FSTL4: variants seen among roughly 807,000 people sequenced by gnomAD.
FSTL4 encodes the protein follistatin like 4, also known as follistatin-related protein 4.
In FSTL4, 28 loss-of-function variants were observed where a neutral mutation model predicts 78.2. The observed-to-expected ratio is 0.36, with a 90% CI of 0.27 to 0.49. The LOEUF is 0.49. FSTL4 is among the 20% of genes least tolerant of loss of function. The probability of loss-of-function intolerance (pLI) is 0.98; values close to 1 mark genes in which losing one functional copy is unlikely to be tolerated. For synonymous variants in FSTL4, 422 were observed against 440.5 expected (o/e 0.96, Z 0.53); for missense variants, 922 against 1,084.9 (o/e 0.85, Z 2.11).
the FSTL4 span, among the ~76,000 whole-genome samples, chr5:133,819,272 G>A: frequency 1.3e-5 from 2 of 152,194 alleles, no homozygotes; most frequent in Middle Eastern, 3.4e-3. Flanking sequence ...GCAAGGGACA[G>A]GAACAGCTTT....
the FSTL4 span, among the ~76,000 whole-genome samples, chr5:133,752,254 C>T: frequency 1.8e-4 from 28 of 152,172 alleles, 1 homozygote; most frequent in Non-Finnish European, 1.5e-5. Context: ...CTTCAAAGAG[C>T]GAAGTCAGCA....
intron 14 of FSTL4, among the ~76,000 whole-genome samples, chr5:133,206,522 C>T (rs1454906728): frequency 6.6e-6 from 1 of 152,102 alleles, no homozygotes; most frequent in Non-Finnish European, 1.5e-5. Context: ...CCACCACACC[C>T]AGCTAATTTT....
At position 133,554,531 on chromosome 5, in the gene FSTL4, G is replaced by A. The variant is rs145650683; in HGVS notation, c.160+12655C>T. Among the ~76,000 whole-genome samples, 8 of 152,306 alleles carry A rather than the reference G, an allele frequency of 5.3e-5. No individual in the cohort carries two copies. The East Asian group carries it at 1.3e-3, about 26-fold the overall frequency. ...TGAAATTTGAAATGTGGACAGACGGGTCAGCTCTGGACAGCTCCACTTCCA... is the reference window on the plus strand; with the variant it reads ...TGAAATTTGAAATGTGGACAGACGGATCAGCTCTGGACAGCTCCACTTCCA... On this transcript the variant is annotated intron_variant, in intron 3 of 15. Coordinates refer to ENST00000265342, the MANE Select transcript of FSTL4 (RefSeq NM_015082.2).
At chr5:133,398,830 C>T (rs912518173) in intron 4 of FSTL4, among the ~76,000 whole-genome samples, 2 of 152,282 alleles carry the variant, frequency 1.3e-5, no homozygotes, top group Admixed American at 1.3e-4. Context: ...TCACAGGCAC[C>T]ACTCTCCACC....
chr5:133,802,147 G>T, the FSTL4 span, among the ~76,000 whole-genome samples: 2 of 152,166 alleles, frequency 1.3e-5, no homozygotes, highest in Admixed American at 6.5e-5. Context: ...TGACTTCCCC[G>T]GTGGACTTTT....
the FSTL4 span, among the ~76,000 whole-genome samples, chr5:133,841,352 G>A: frequency 6.6e-6 from 1 of 152,166 alleles, no homozygotes; most frequent in South Asian, 2.1e-4. Flanking sequence ...TACCTACTGA[G>A]CACCTACTAT....
chr5:133,461,887 T>C (rs1014599116), intron 3 of FSTL4, among the ~76,000 whole-genome samples: 3 of 152,108 alleles, frequency 2.0e-5, no homozygotes, highest in African/African-American at 7.2e-5. Flanking sequence ...TAACTACACA[T>C]TCTCACAACC....
At chr5:133,443,369 C>T (rs537312937) in intron 3 of FSTL4, among the ~76,000 whole-genome samples, 1 of 152,346 alleles carries the variant, frequency 6.6e-6, no homozygotes, top group African/African-American at 2.4e-5. Flanking sequence ...TTCTAAACAT[C>T]CAAGCTTGAA....
intron 3 of FSTL4, among the ~76,000 whole-genome samples, chr5:133,416,379 A>C (rs539014490): frequency 6.6e-6 from 1 of 152,354 alleles, no homozygotes; most frequent in East Asian, 1.9e-4. Context: ...TAAATATAGA[A>C]GAAATGATGG....
chr5:133,415,514 T>G (rs1389720316), intron 3 of FSTL4, among the ~76,000 whole-genome samples: 1 of 152,216 alleles, frequency 6.6e-6, no homozygotes, highest in African/African-American at 2.4e-5. Flanking sequence ...ACTTTCACCT[T>G]TTTTTAATTC....
At chr5:133,408,972 C>T (rs1245156036) in intron 3 of FSTL4, among the ~76,000 whole-genome samples, 6 of 152,058 alleles carry the variant, frequency 3.9e-5, no homozygotes, top group South Asian at 2.1e-4. Context: ...TTGCTGTCTT[C>T]GGGAGGCCAG....
chr5:133,793,103 C>T, the FSTL4 span, among the ~76,000 whole-genome samples: 1 of 152,216 alleles, frequency 6.6e-6, no homozygotes, highest in Non-Finnish European at 1.5e-5. Flanking sequence ...TGGCCAACCT[C>T]TGCCAAAGAG....
chr5:133,618,815 G>A, the FSTL4 span, among the ~76,000 whole-genome samples: 2 of 152,176 alleles, frequency 1.3e-5, no homozygotes, highest in African/African-American at 2.4e-5. Context: ...GTGTGTATAT[G>A]GCAGCTATCA....
intron 6 of FSTL4, among the ~76,000 whole-genome samples, chr5:133,250,519 C>G (rs925852438): frequency 6.6e-6 from 1 of 152,238 alleles, no homozygotes; most frequent in African/African-American, 2.4e-5. Context: ...ATTCCCTATT[C>G]ATGCTTACGA....
intron 3 of FSTL4, among the ~76,000 whole-genome samples, chr5:133,419,685 G>A (rs372548204): frequency 2.0e-5 from 3 of 152,328 alleles, no homozygotes; most frequent in South Asian, 2.1e-4. Flanking sequence ...CTTCCAAAGT[G>A]GTTGTACCAT....
rs547299803 is a variant in FSTL4, at chr5:133,390,777, A to G, written c.409+9961T>C. Reference sequence around the variant, plus strand: ...GGGTCACTGCCTCCTGATCCCCCTCATTTATTTCAGTTAACTTGACACAGT... The same window carrying G: ...GGGTCACTGCCTCCTGATCCCCCTCGTTTATTTCAGTTAACTTGACACAGT... On this transcript the variant is annotated intron_variant, in intron 4 of 15. Coordinates refer to ENST00000265342, the MANE Select transcript of FSTL4 (RefSeq NM_015082.2). Among the ~76,000 whole-genome samples, 247 of 152,208 alleles carry G rather than the reference A, an allele frequency of 1.6e-3. 4 individuals carry two copies. The highest frequency in any genetic ancestry group is 6.2e-4 in the South Asian group (3 of 4,822).
intron 6 of FSTL4, among the ~76,000 whole-genome samples, chr5:133,306,667 G>A (rs554154399): frequency 6.6e-6 from 1 of 152,292 alleles, no homozygotes; most frequent in East Asian, 1.9e-4. Context: ...GAGGCATGCA[G>A]AGACCCTCTG....
At chr5:133,364,415 C>T (rs1755134349) in intron 4 of FSTL4, among the ~76,000 whole-genome samples, 1 of 152,220 alleles carries the variant, frequency 6.6e-6, no homozygotes, top group South Asian at 2.1e-4. Context: ...CAGCAGGCCA[C>T]CGCAAAGGAG....
At chr5:133,577,102 A>C (rs1760299807) in intron 2 of FSTL4, among the ~76,000 whole-genome samples, 1 of 152,216 alleles carries the variant, frequency 6.6e-6, no homozygotes, top group Non-Finnish European at 1.5e-5. Flanking sequence ...AGTTAAAGGC[A>C]GAAGGAAAAC....
Sources: allele counts gnomAD v4.1 joint callset (sites outside exome capture counted in the v4.1 genomes callset), GRCh38; gene constraint gnomAD v4.1.1; transcripts MANE v1.5; gene names NCBI Gene and HGNC (gene_info 2026-07-23, HGNC 2026-07-21).